TRAPPC10: variants seen among roughly 807,000 people sequenced by gnomAD.
TRAPPC10 encodes trafficking protein particle complex subunit 10, also known as TRAPP 130 kDa subunit.
TRAPPC10 carries 23 observed loss-of-function variants against 125.5 expected under a neutral mutation model. The ratio of observed to expected loss-of-function variants is 0.18; its 90% CI spans 0.13 to 0.26. The LOEUF is 0.26. TRAPPC10 is among the 10% of genes least tolerant of loss of function. The pLI, the probability that TRAPPC10 is intolerant of heterozygous loss-of-function variation, is 1.00. For missense variants in TRAPPC10, 1,123 were observed against 1,308.4 expected (o/e 0.86, Z 2.19); for synonymous variants, 509 against 518.0 (o/e 0.98, Z 0.24).
intron 3 of TRAPPC10, among the ~76,000 whole-genome samples, chr21:44,049,286 G>A (rs1372474691): frequency 6.6e-6 from 1 of 152,324 alleles, no homozygotes; most frequent in East Asian, 1.9e-4. Flanking sequence ...GGGTGATCCT[G>A]GTTTCCTCCC....
At position 44,076,645 on chromosome 21, in the gene TRAPPC10, GT is replaced by G; in HGVS notation, c.1377+19del. 6.3e-7 allele frequency: 1 copy of G among 1,578,834 alleles called. No homozygotes were observed. Among genetic ancestry groups the G allele is most frequent in the Non-Finnish European group, 8.7e-7 (1 of 1,148,030 alleles). Reference sequence around the variant, plus strand: ...CACTACTTAGTAAGTATTAACAAGTGTTCAATGTCTGTTCTGTGAATACCTG... The same window carrying G: ...CACTACTTAGTAAGTATTAACAAGTGTCAATGTCTGTTCTGTGAATACCTG... On this transcript the variant is annotated intron_variant, in intron 10 of 22. Transcript: ENST00000291574.
intron 7 of TRAPPC10, 149 bp from the exon 8 acceptor site, chr21:44,074,175 C>T (rs1428892902): frequency 1.1e-6 from 1 of 873,142 alleles, no homozygotes; most frequent in African/African-American, 1.7e-5. Context: ...CTTTCTCTCT[C>T]CTGTAGCTCT....
intron 7 of TRAPPC10, among the ~76,000 whole-genome samples, chr21:44,071,315 G>A (rs994931133): frequency 7.2e-5 from 11 of 152,152 alleles, no homozygotes; most frequent in Non-Finnish European, 1.3e-4. Context: ...AAAAATCATC[G>A]ACCTCTAAAT....
intron 14 of TRAPPC10, 59 bp downstream of exon 14, chr21:44,083,361 A>G: frequency 6.4e-7 from 1 of 1,563,544 alleles, no homozygotes; most frequent in Non-Finnish European, 8.7e-7. Flanking sequence ...CGTGGAGCTT[A>G]CAAGAACTGT....
chr21:44,036,093 A>G (rs1052910478), intron 2 of TRAPPC10, among the ~76,000 whole-genome samples: 1 of 152,208 alleles, frequency 6.6e-6, no homozygotes, highest in Non-Finnish European at 1.5e-5. Context: ...TGACATTTGA[A>G]GAATGGCTGT....
rs201041898 is a variant in TRAPPC10 at position 44,079,969 on chromosome 21, A to C, written c.1611-46A>C. 22 of 1,533,308 alleles carry C rather than the reference A, an allele frequency of 1.4e-5. No individual in the cohort carries two copies. In the East Asian group the frequency reaches 5.0e-4, roughly 35 times the overall value. 95.0% of individuals were successfully genotyped at this position (1,533,308 alleles called of 1,614,324 possible). A position where few individuals can be genotyped will look rare whatever the true frequency, so the allele number is the denominator to read the frequency against. On this transcript the variant is annotated intron_variant, in intron 12 of 22. Coordinates refer to ENST00000291574, the MANE Select transcript of TRAPPC10 (RefSeq NM_003274.5). ...AGACTTTGCATCCACTTCCCCCCGC[A>C]CTCCTAAGTATGAGCCTCTCCACGC...
At chr21:44,025,016 T>C (rs1197207770) in intron 1 of TRAPPC10, among the ~76,000 whole-genome samples, 2 of 152,260 alleles carry the variant, frequency 1.3e-5, no homozygotes, top group Non-Finnish European at 2.9e-5. Flanking sequence ...TCTCATTCCA[T>C]GATGTCGATA....
chr21:44,033,060 CTCT>C (rs1038122774), intron 2 of TRAPPC10, among the ~76,000 whole-genome samples: 2 of 152,218 alleles, frequency 1.3e-5, no homozygotes, highest in Non-Finnish European at 2.9e-5. Flanking sequence ...ACTGGGAATC[CTCT>C]TCTTGGAAAA....
At chr21:44,065,290 T>C (rs2036360624) in intron 7 of TRAPPC10, among the ~76,000 whole-genome samples, 1 of 152,104 alleles carries the variant, frequency 6.6e-6, no homozygotes. Flanking sequence ...ACAGGAGCCA[T>C]ACGGGGTCTG....
At position 44,065,150 on chromosome 21, in the gene TRAPPC10, C is replaced by T. The variant is rs565190589; in HGVS notation, c.1038+1365C>T. Among the ~76,000 whole-genome samples the T allele has an allele frequency of 3.3e-5, 5 of 152,308 alleles. 1 individual carries two copies. In the South Asian group the frequency reaches 1.0e-3, roughly 32 times the overall value. On this transcript the variant is annotated intron_variant, in intron 7 of 22. Coordinates refer to ENST00000291574, the MANE Select transcript of TRAPPC10 (RefSeq NM_003274.5). ...CCAAATGATTCAGACATGATGTCTT[C>T]TGAGTGAGACGACCCCAGGAGGCTG...
At chr21:44,028,873 G>A (rs534427360) in intron 1 of TRAPPC10, among the ~76,000 whole-genome samples, 1 of 152,090 alleles carries the variant, frequency 6.6e-6, no homozygotes, top group Non-Finnish European at 1.5e-5. Flanking sequence ...GCTGGGTTTC[G>A]CTCATGCCTC....
intron 1 of TRAPPC10, among the ~76,000 whole-genome samples, chr21:44,016,127 G>A (rs2031813235): frequency 6.6e-6 from 1 of 152,188 alleles, no homozygotes; most frequent in Non-Finnish European, 1.5e-5. Context: ...CCGAATCATA[G>A]CAATAGGAAA....
At chr21:44,020,837 G>A (rs1190390763) in intron 1 of TRAPPC10, among the ~76,000 whole-genome samples, 1 of 152,128 alleles carries the variant, frequency 6.6e-6, no homozygotes, top group African/African-American at 2.4e-5. Flanking sequence ...TTGAAGTTGA[G>A]GAGCTGAGGG....
intron 7 of TRAPPC10, among the ~76,000 whole-genome samples, chr21:44,065,995 CTGTG>C (rs1388124321): frequency 5.3e-5 from 8 of 152,216 alleles, no homozygotes; most frequent in Admixed American, 4.6e-4. Context: ...CTGCCCGTGG[CTGTG>C]TTTTTCTCTC....
chr21:44,084,598 G>A (rs35615241), intron 15 of TRAPPC10, among the ~76,000 whole-genome samples: 6,937 of 152,146 alleles, frequency 0.046, 222 homozygotes, highest in Middle Eastern at 0.071. Context: ...AGGACTTCTG[G>A]GCCCAAATGT....
chr21:44,059,898 C>G lies in TRAPPC10; in HGVS notation c.790+684C>G, dbSNP rs2035905649. 5.3e-6 allele frequency: 1 copy of G among 189,788 alleles called. No individual in the cohort carries two copies. Among genetic ancestry groups the G allele is most frequent in the Non-Finnish European group, 1.1e-5 (1 of 92,338 alleles). 11.8% of individuals were successfully genotyped at this position (189,788 alleles called of 1,614,324 possible). A position where few individuals can be genotyped will look rare whatever the true frequency, so the allele number is the denominator to read the frequency against. On this transcript the variant is annotated intron_variant, in intron 6 of 22. Coordinates refer to ENST00000291574, the MANE Select transcript of TRAPPC10 (RefSeq NM_003274.5). The surrounding 1 kb of genome is among the most constrained non-coding windows in gnomAD (Gnocchi z 4.4). ...GGTATTCCTGGCTTGATTCCATTAC[C>G]TGGTGTTGGACATTGGGTTCTTTTA...
chr21:44,058,447 C>T (rs553046476), intron 5 of TRAPPC10, among the ~76,000 whole-genome samples: 1 of 152,072 alleles, frequency 6.6e-6, no homozygotes. Flanking sequence ...GGGGATGTCT[C>T]GAAAGGATTT....
chr21:44,037,391 T>C (rs1316952377), intron 2 of TRAPPC10, among the ~76,000 whole-genome samples: 1 of 152,232 alleles, frequency 6.6e-6, no homozygotes, highest in Admixed American at 6.5e-5. Context: ...AAAATACGAA[T>C]GCAACCCTAA....
At chr21:44,036,082 G>A (rs1364439862) in intron 2 of TRAPPC10, among the ~76,000 whole-genome samples, 1 of 152,116 alleles carries the variant, frequency 6.6e-6, no homozygotes, top group East Asian at 1.9e-4. Flanking sequence ...CAGAGGACAG[G>A]TGACATTTGA....
Sources: allele counts gnomAD v4.1 joint callset (sites outside exome capture counted in the v4.1 genomes callset), GRCh38; gene constraint gnomAD v4.1.1; non-coding constraint Gnocchi (gnomAD v3.1); transcripts MANE v1.5; gene names NCBI Gene and HGNC (gene_info 2026-07-23, HGNC 2026-07-21).